BCL2: variants seen among roughly 807,000 people sequenced by gnomAD.
BCL2 encodes BCL2 apoptosis regulator, also known as apoptosis regulator Bcl-2.
In BCL2, 1 loss-of-function variant was observed where a neutral mutation model predicts 14.2. That is an observed-to-expected ratio of 0.07 (90% CI 0.02 to 0.33). The LOEUF (loss-of-function observed/expected upper bound fraction) is 0.33. BCL2 is among the 10% of genes least tolerant of loss of function. The pLI, the probability that BCL2 is intolerant of heterozygous loss-of-function variation, is 0.99. For missense variants in BCL2, 247 were observed against 305.9 expected, an observed-to-expected ratio of 0.81 and a Z score of 1.44; for synonymous variants, 151 against 137.2, an observed-to-expected ratio of 1.10 and a Z score of -0.70.
intron 2 of BCL2, among the ~76,000 whole-genome samples, chr18:63,290,645 G>C (rs773932500): frequency 6.6e-5 from 10 of 152,186 alleles, no homozygotes; most frequent in Non-Finnish European, 1.3e-4. Flanking sequence ...ACTTGAATGA[G>C]ATAGCAGGAT....
At chr18:63,154,953 C>T (rs1335538603) in intron 2 of BCL2, among the ~76,000 whole-genome samples, 1 of 152,204 alleles carries the variant, frequency 6.6e-6, no homozygotes, top group Admixed American at 6.5e-5. Flanking sequence ...CTCAAAAGAA[C>T]CTCAGGACCT....
intron 2 of BCL2, among the ~76,000 whole-genome samples, chr18:63,208,849 A>C (rs1909918301): frequency 6.6e-6 from 1 of 152,182 alleles, no homozygotes; most frequent in Non-Finnish European, 1.5e-5. Flanking sequence ...CCAGGAATCC[A>C]CTGCAGCAGT....
At chr18:63,240,889 C>T (rs576413350) in intron 2 of BCL2, among the ~76,000 whole-genome samples, 7 of 152,272 alleles carry the variant, frequency 4.6e-5, no homozygotes, top group South Asian at 4.1e-4. Context: ...CATTCCCCAG[C>T]GTCATTAACA....
intron 2 of BCL2, among the ~76,000 whole-genome samples, chr18:63,179,813 C>T (rs754641353): frequency 6.6e-6 from 1 of 152,148 alleles, no homozygotes; most frequent in African/African-American, 2.4e-5. Flanking sequence ...GTTCTTATGA[C>T]GATGAAATGA....
chr18:63,185,695 T>C (rs1915579663), intron 2 of BCL2, among the ~76,000 whole-genome samples: 1 of 152,234 alleles, frequency 6.6e-6, no homozygotes, highest in South Asian at 2.1e-4. Context: ...TTTATTTGTA[T>C]TAATTATTTC....
intron 2 of BCL2, among the ~76,000 whole-genome samples, chr18:63,262,763 T>C (rs747900280): frequency 2.6e-5 from 4 of 151,948 alleles, no homozygotes; most frequent in Admixed American, 6.6e-5. Context: ...GTCCTCATCA[T>C]AGGAAAAAGG....
At chr18:63,317,153 T>A (rs1448432549) in intron 2 of BCL2, 1 of 152,170 alleles carries the variant, frequency 6.6e-6, no homozygotes, top group Non-Finnish European at 1.5e-5. Flanking sequence ...AAGCCACAGG[T>A]ATCAATCACT....
chr18:63,275,689 A>T (rs1460920061), intron 2 of BCL2, among the ~76,000 whole-genome samples: 3 of 152,222 alleles, frequency 2.0e-5, no homozygotes, highest in African/African-American at 7.2e-5. Context: ...TTATCTCTCT[A>T]CTGTCTGGAA....
intron 2 of BCL2, among the ~76,000 whole-genome samples, chr18:63,205,588 T>C (rs1909814369): frequency 6.6e-6 from 1 of 152,084 alleles, no homozygotes; most frequent in Non-Finnish European, 1.5e-5. Flanking sequence ...TCTGAACTAC[T>C]GGGGAGAGTA....
intron 2 of BCL2, among the ~76,000 whole-genome samples, chr18:63,134,203 T>C (rs1914148688): frequency 6.6e-6 from 1 of 152,232 alleles, no homozygotes; most frequent in South Asian, 2.1e-4. Context: ...CTTAGCTGTC[T>C]TTTCTAATTC....
chr18:63,207,188 G>A (rs775704880), intron 2 of BCL2, among the ~76,000 whole-genome samples: 12 of 152,238 alleles, frequency 7.9e-5, no homozygotes, highest in African/African-American at 2.4e-4. Flanking sequence ...ACCGCCAAGC[G>A]TTCCAGGTGC....
At chr18:63,205,038 C>T (rs1379713963) in intron 2 of BCL2, among the ~76,000 whole-genome samples, 1 of 152,066 alleles carries the variant, frequency 6.6e-6, no homozygotes, top group Non-Finnish European at 1.5e-5. Context: ...CGAGACTTTC[C>T]AATAAACACC....
intron 2 of BCL2, among the ~76,000 whole-genome samples, chr18:63,289,369 T>TGG (rs1912575507): frequency 6.6e-6 from 1 of 152,136 alleles, no homozygotes; most frequent in Non-Finnish European, 1.5e-5. Flanking sequence ...TGAGATCAGA[T>TGG]CTGGGCCTTA....
At chr18:63,289,349 A>G (rs764474658) in intron 2 of BCL2, among the ~76,000 whole-genome samples, 10 of 152,364 alleles carry the variant, frequency 6.6e-5, no homozygotes, top group South Asian at 2.1e-4. Context: ...GGATACTGTC[A>G]TCCTGAAGGT....
intron 2 of BCL2, among the ~76,000 whole-genome samples, chr18:63,166,199 T>C (rs896747948): frequency 5.9e-5 from 9 of 151,834 alleles, no homozygotes; most frequent in Non-Finnish European, 1.3e-4. Flanking sequence ...CAGGAAGAAA[T>C]GTGACACCAG....
Position 63,247,652 on chromosome 18 carries a change from T to C in BCL2, c.585+70430A>G, listed in dbSNP as rs183710567. Among the ~76,000 whole-genome samples, 567 of 152,246 alleles carry C rather than the reference T, an allele frequency of 3.7e-3. 3 individuals carry two copies. The highest frequency in any genetic ancestry group is 5.3e-3 in the Non-Finnish European group (363 of 68,026). On this transcript the variant is annotated intron_variant, in intron 2 of 2. Coordinates refer to ENST00000333681, the MANE Select transcript of BCL2 (RefSeq NM_000633.3). Reference sequence around the variant, plus strand: ...GGGAGAAGGAGTTCCCTGTTGCGGCTGGTGGAGAGCGTCCTGAATGGTGTC... The same window carrying C: ...GGGAGAAGGAGTTCCCTGTTGCGGCCGGTGGAGAGCGTCCTGAATGGTGTC...
chr18:63,281,045 A>T (rs1475227782), intron 2 of BCL2, among the ~76,000 whole-genome samples: 1 of 152,222 alleles, frequency 6.6e-6, no homozygotes, highest in African/African-American at 2.4e-5. Context: ...AACATGGATG[A>T]ACCTTGAAGA....
intron 2 of BCL2, among the ~76,000 whole-genome samples, chr18:63,285,183 C>T (rs1944420): frequency 0.28 from 42,048 of 152,054 alleles, 6,804 homozygotes; most frequent in African/African-American, 0.44. Context: ...TCTTTCTAAA[C>T]GGAAAAATAA....
intron 2 of BCL2, among the ~76,000 whole-genome samples, chr18:63,242,746 C>T (rs1265659441): frequency 6.6e-6 from 1 of 152,132 alleles, no homozygotes. Flanking sequence ...TGATTTATAC[C>T]AGCTTAATTG....
Sources: allele counts gnomAD v4.1 joint callset (sites outside exome capture counted in the v4.1 genomes callset), GRCh38; gene constraint gnomAD v4.1.1; transcripts MANE v1.5; gene names NCBI Gene and HGNC (gene_info 2026-07-23, HGNC 2026-07-21).